The following THOC5 variants were observed in gnomAD, a reference collection of about 807,000 sequenced individuals.
The protein encoded by THOC5 is THO complex subunit 5.
In THOC5, 43 loss-of-function variants were observed where a neutral mutation model predicts 92.9. That is an observed-to-expected ratio of 0.46 (90% CI 0.36 to 0.60). THOC5 has a LOEUF of 0.60. Ranked by LOEUF, THOC5 falls within the 20% of genes least tolerant of loss-of-function variation. THOC5 has a pLI of 0.00. For synonymous variants in THOC5, 296 were observed against 320.1 expected (o/e 0.92, Z 0.80); for missense variants, 659 against 849.4 (o/e 0.78, Z 2.79).
chr22:29,519,071 G>A lies in THOC5; in HGVS notation c.1424C>T (p.Thr475Ile). 1 of 1,611,670 alleles carries A rather than the reference G, an allele frequency of 6.2e-7. No homozygotes were observed. Among genetic ancestry groups the A allele is most frequent in the Non-Finnish European group, 8.5e-7 (1 of 1,178,960 alleles). ...HSLSASHMETTMKLLKTRVQS... is the reference protein window; with the variant it reads ...HSLSASHMETIMKLLKTRVQS... Reference sequence around the variant, plus strand: ...CACCCTGGTCTTCAGAAGTTTCATGGTGGTCTCCATGTGGCTGGCGCTCAG... The same window carrying A: ...CACCCTGGTCTTCAGAAGTTTCATGATGGTCTCCATGTGGCTGGCGCTCAG... Residue 475 changes from threonine (T) to isoleucine (I), a missense_variant, in exon 15 of 20, where the codon ACC becomes ATC. Transcript: ENST00000490103.
intron 9 of THOC5, 97 bp downstream of exon 9, chr22:29,529,065 C>T: frequency 8.2e-7 from 1 of 1,217,238 alleles, no homozygotes; most frequent in Non-Finnish European, 1.2e-6. Context: ...AAGCTTCCTG[C>T]TACACAGAAC....
intron 5 of THOC5, among the ~76,000 whole-genome samples, chr22:29,541,836 G>C (rs1164608000): frequency 8.4e-6 from 1 of 118,696 alleles, no homozygotes; most frequent in Admixed American, 1.0e-4. Context: ...ACTCCAGCCT[G>C]GGCGACAGAG....
intron 5 of THOC5, among the ~76,000 whole-genome samples, 170 bp downstream of exon 5, chr22:29,542,689 G>A (rs2063923117): frequency 6.6e-6 from 1 of 152,030 alleles, no homozygotes; most frequent in African/African-American, 2.4e-5. Flanking sequence ...GCTTGAACCC[G>A]GGAGGTGGAG....
intron 12 of THOC5, among the ~76,000 whole-genome samples, chr22:29,524,341 TC>T (rs2063501889): frequency 6.6e-6 from 1 of 152,186 alleles, no homozygotes; most frequent in East Asian, 1.9e-4. Flanking sequence ...AAGTGCTTCC[TC>T]TATGCTAAGC....
At chr22:29,552,936 T>C (rs2064202059) in intron 1 of THOC5, among the ~76,000 whole-genome samples, 1 of 152,180 alleles carries the variant, frequency 6.6e-6, no homozygotes. Flanking sequence ...TCTATAGCCT[T>C]ACCCCCAACC....
rs2063943719 is a variant in THOC5, at chr22:29,543,431, C to T, written c.352G>A (p.Glu118Lys). Residue 118 changes from glutamate to lysine, a missense_variant and splice_region_variant, in exon 4 of 20, where the codon GAG becomes AAG. Physicochemically the swap from Glu to Lys is moderately conservative, Grantham distance 56. Coordinates refer to ENST00000490103, the MANE Select transcript of THOC5 (RefSeq NM_003678.5). ...AAATTAAACCTTTTAACTACTACCT[C>T]GTGGGTCTGATCTCTTCCTTTCTTC... ...RLKKGRDQTH[E>K]AKQKVDAYHL... 6.2e-7 allele frequency: 1 copy of T among 1,610,366 alleles called. No individual in the cohort carries two copies. The highest frequency in any genetic ancestry group is 8.5e-7 in the Non-Finnish European group (1 of 1,177,264).
chr22:29,543,771 A>G (rs2063953092), intron 3 of THOC5, among the ~76,000 whole-genome samples: 1 of 152,216 alleles, frequency 6.6e-6, no homozygotes, highest in Admixed American at 6.6e-5. Context: ...ACAGGAATTG[A>G]AGATGGAATA....
rs1480174903 is a variant in THOC5 at position 29,543,052 on chromosome 22, A to G, written c.355-96T>C. ...AAGAGAAGGTGTAAAGGGAATAAAG[A>G]AGGGGATGGGGCTGGGTGCAGTGGC... is the stretch of plus-strand genomic sequence containing the variant. On this transcript the variant is annotated intron_variant, in intron 4 of 19. Coordinates refer to ENST00000490103, the MANE Select transcript of THOC5 (RefSeq NM_003678.5). The G allele has an allele frequency of 4.6e-6, 4 of 876,898 alleles. No homozygotes were observed. The East Asian group carries it at 1.1e-4, about 24-fold the overall frequency. 54.3% of individuals were successfully genotyped at this position (876,898 alleles called of 1,614,324 possible).
chr22:29,543,432 G>C lies in THOC5; in HGVS notation c.351C>G (p.His117Gln), dbSNP rs150044669. ...IRLKKGRDQTHEAKQKVDAYH... is the reference protein window; with the variant it reads ...IRLKKGRDQTQEAKQKVDAYH... ...AATTAAACCTTTTAACTACTACCTC[G>C]TGGGTCTGATCTCTTCCTTTCTTCA... Residue 117 changes from histidine to glutamine, a missense_variant, in exon 4 of 20, where the codon CAC becomes CAG. His to Gln is a conservative substitution (Grantham distance 24). Coordinates refer to ENST00000490103, the MANE Select transcript of THOC5 (RefSeq NM_003678.5). 6.2e-7 allele frequency: 1 copy of C among 1,609,936 alleles called. No individual in the cohort carries two copies. Among genetic ancestry groups the C allele is most frequent in the East Asian group, 2.2e-5 (1 of 44,826 alleles).
intron 6 of THOC5, among the ~76,000 whole-genome samples, chr22:29,537,999 T>G (rs1281091655): frequency 6.6e-6 from 1 of 152,240 alleles, no homozygotes; most frequent in Non-Finnish European, 1.5e-5. Context: ...TATTTATTTT[T>G]TGAGACGGAG....
intron 3 of THOC5, 21 bp from the exon 4 acceptor site, chr22:29,543,563 A>G (rs1299160004): frequency 2.5e-6 from 4 of 1,586,128 alleles, no homozygotes; most frequent in Non-Finnish European, 3.5e-6. Context: ...AGAAAACAGT[A>G]AAGCCCACTG....
At chr22:29,549,637 T>C (rs1256598504) in intron 1 of THOC5, among the ~76,000 whole-genome samples, 1 of 152,174 alleles carries the variant, frequency 6.6e-6, no homozygotes, top group African/African-American at 2.4e-5. Flanking sequence ...TTCAAAACCT[T>C]TGCTGGCTCT....
Position 29,518,995 on chromosome 22 carries a change from C to T in THOC5, c.1489+11G>A. 1.9e-6 allele frequency: 3 copies of T among 1,559,542 alleles called. No homozygotes were observed. The highest frequency in any genetic ancestry group is 2.6e-6 in the Non-Finnish European group (3 of 1,141,406). On this transcript the variant is annotated intron_variant, in intron 15 of 19. Transcript: ENST00000490103. The stretch of plus-strand genomic sequence containing the variant: ...AGTGACTCTTAAACCACTGCCCCAT[C>T]ATCAGCTTACCTAGGGATGCAAACT...
chr22:29,530,528 A>C (rs559971826), intron 8 of THOC5, among the ~76,000 whole-genome samples: 1 of 152,156 alleles, frequency 6.6e-6, no homozygotes, highest in East Asian at 1.9e-4. Flanking sequence ...TCAAAAAAAA[A>C]AATTTTTTTT....
chr22:29,511,072 T>G, intron 19 of THOC5, 34 bp downstream of exon 19: 13 of 1,597,654 alleles, frequency 8.1e-6, no homozygotes, highest in Non-Finnish European at 1.1e-5. Context: ...CACATCACCA[T>G]GAGAAGTCAC....
intron 8 of THOC5, among the ~76,000 whole-genome samples, chr22:29,530,197 A>G (rs2063624407): frequency 6.6e-6 from 1 of 151,762 alleles, no homozygotes; most frequent in Non-Finnish European, 1.5e-5. Context: ...TGGGGACTGA[A>G]TGAGCTGATG....
At chr22:29,530,015 T>C (rs1183493635) in intron 8 of THOC5, among the ~76,000 whole-genome samples, 2 of 151,968 alleles carry the variant, frequency 1.3e-5, no homozygotes, top group African/African-American at 4.8e-5. Context: ...TGGTGGCATG[T>C]GCCTGTAACC....
At chr22:29,517,422 G>A (rs2063354824) in intron 15 of THOC5, 56 bp from the exon 16 acceptor site, 1 of 1,485,152 alleles carries the variant, frequency 6.7e-7, no homozygotes, top group Non-Finnish European at 9.3e-7. Flanking sequence ...CCACAGATGG[G>A]TAACTAGCAT....
intron 11 of THOC5, 138 bp from the exon 12 acceptor site, chr22:29,526,084 C>T (rs963580979): frequency 2.6e-5 from 16 of 613,896 alleles, no homozygotes; most frequent in Non-Finnish European, 4.5e-5. Flanking sequence ...ACCTAGGTGA[C>T]GGGATCATTC....
Sources: allele counts gnomAD v4.1 joint callset (sites outside exome capture counted in the v4.1 genomes callset), GRCh38; gene constraint gnomAD v4.1.1; transcripts MANE v1.5; gene names NCBI Gene and HGNC (gene_info 2026-07-23, HGNC 2026-07-21).